The following RTKN2 variants were observed in gnomAD, a reference collection of about 807,000 sequenced individuals.
RTKN2 encodes rhotekin-2.
In RTKN2, 69 loss-of-function variants were observed where a neutral mutation model predicts 71.5. That is an observed-to-expected ratio of 0.96 (90% CI 0.79 to 1.18). The LOEUF (loss-of-function observed/expected upper bound fraction) is 1.18, where lower values mean the gene tolerates loss of function less well. Among genes scored for constraint, RTKN2 ranks in the 50% most tolerant of loss-of-function variants. RTKN2 has a pLI of 0.00. For missense variants in RTKN2, 724 were observed against 719.7 expected (o/e 1.01, Z -0.07); for synonymous variants, 236 against 236.5 (o/e 1.00, Z 0.02).
At chr10:62,239,370 T>C (rs1476801534) in intron 5 of RTKN2, 3 of 227,574 alleles carry the variant, frequency 1.3e-5, no homozygotes, top group African/African-American at 2.3e-5. Context: ...AACTGAACTA[T>C]ATTTATTAAC....
chr10:62,263,492 T>C (rs1442728553), intron 1 of RTKN2, among the ~76,000 whole-genome samples: 1 of 152,222 alleles, frequency 6.6e-6, no homozygotes, highest in Non-Finnish European at 1.5e-5. Flanking sequence ...TCATTTGTTA[T>C]AGCAGCCTTA....
At chr10:62,222,407 T>C (rs570548904) in intron 7 of RTKN2, among the ~76,000 whole-genome samples, 1 of 152,152 alleles carries the variant, frequency 6.6e-6, no homozygotes, top group Admixed American at 6.5e-5. Flanking sequence ...CCACCACACC[T>C]AGCCTCATAA....
At chr10:62,216,258 T>C (rs1349023790) in intron 9 of RTKN2, among the ~76,000 whole-genome samples, 4 of 151,994 alleles carry the variant, frequency 2.6e-5, no homozygotes, top group Admixed American at 6.6e-5. Context: ...GGAGAACAAA[T>C]GTGATGGCTC....
At position 62,268,684 on chromosome 10, in the gene RTKN2, C is replaced by G; in HGVS notation, c.-74G>C. The stretch of plus-strand genomic sequence containing the variant: ...TTGAAAAGCCCGCCCCTGGCAGGAG[C>G]CGCAGAGGACGCCAACCGCCCGGCC... On this transcript the variant is annotated 5_prime_UTR_variant, in exon 1 of 12. Transcript: ENST00000373789. 6.9e-7 allele frequency: 1 copy of G among 1,451,286 alleles called. No individual in the cohort carries two copies. The highest frequency in any genetic ancestry group is 2.3e-4 in the Middle Eastern group (1 of 4,346). The allele number at this position is 1,451,286 out of a possible 1,614,324, so 89.9% of individuals were successfully genotyped here. A position where few individuals can be genotyped will look rare whatever the true frequency, so the allele number is the denominator to read the frequency against.
In RTKN2 at chr10:62,268,692, G is replaced by A. The variant is rs963815218; in HGVS notation, c.-82C>T. On this transcript the variant is annotated 5_prime_UTR_variant, in exon 1 of 12. Transcript: ENST00000373789. ...CCCGCCCCTGGCAGGAGCCGCAGAGGACGCCAACCGCCCGGCCGTACCAAG... is the reference window on the plus strand; with the variant it reads ...CCCGCCCCTGGCAGGAGCCGCAGAGAACGCCAACCGCCCGGCCGTACCAAG... 6 of 1,400,638 alleles carry A rather than the reference G, an allele frequency of 4.3e-6. No homozygotes were observed. The highest frequency in any genetic ancestry group is 1.4e-5 in the African/African-American group (1 of 69,176). The allele number at this position is 1,400,638 out of a possible 1,614,324, so 86.8% of individuals were successfully genotyped here.
chr10:62,235,439 C>A (rs549516240), intron 6 of RTKN2, among the ~76,000 whole-genome samples: 2 of 151,996 alleles, frequency 1.3e-5, no homozygotes, highest in East Asian at 3.9e-4. Flanking sequence ...AGTTCCTTTC[C>A]AACAACATTT....
At chr10:62,218,342 T>C in intron 7 of RTKN2, 41 bp from the exon 8 acceptor site, 1 of 1,309,510 alleles carries the variant, frequency 7.6e-7, no homozygotes, top group East Asian at 2.4e-5. Context: ...AAGTTATAAA[T>C]ATAAGTTTAT....
chr10:62,236,862 T>C (rs895289996), intron 5 of RTKN2, among the ~76,000 whole-genome samples: 2 of 150,394 alleles, frequency 1.3e-5, no homozygotes, highest in Non-Finnish European at 1.5e-5. Flanking sequence ...AAGCCAAGCA[T>C]AGAAATGAAA....
intron 1 of RTKN2, among the ~76,000 whole-genome samples, 167 bp from the exon 2 acceptor site, chr10:62,262,988 A>T (rs3852408): frequency 0.73 from 111,490 of 152,144 alleles, 41,119 homozygotes; most frequent in East Asian, 0.9. Context: ...TTGCAATTCT[A>T]AACTTCTTGC....
rs1842800621 is a variant in RTKN2, at chr10:62,262,900, T to G, written c.61-79A>C. 8.6e-6 allele frequency: 7 copies of G among 817,752 alleles called. No homozygotes were observed. In the East Asian group the frequency reaches 1.9e-4, roughly 22 times the overall value. 50.7% of individuals were successfully genotyped at this position (817,752 alleles called of 1,614,324 possible). On this transcript the variant is annotated intron_variant, in intron 1 of 11. Coordinates refer to ENST00000373789, the MANE Select transcript of RTKN2 (RefSeq NM_145307.4). ...ACCCATAATAGATCGAAAATAGGTATCATAATTGTATACCATATTGAGAAA... is the reference window on the plus strand; with the variant it reads ...ACCCATAATAGATCGAAAATAGGTAGCATAATTGTATACCATATTGAGAAA...
At chr10:62,232,428 C>A (rs1046023497) in intron 6 of RTKN2, among the ~76,000 whole-genome samples, 2 of 150,906 alleles carry the variant, frequency 1.3e-5, no homozygotes, top group Admixed American at 6.6e-5. Context: ...GATCCTCCTA[C>A]TTCAGCCTCC....
intron 9 of RTKN2, among the ~76,000 whole-genome samples, chr10:62,206,370 A>C (rs565513710): frequency 6.6e-6 from 1 of 152,268 alleles, no homozygotes; most frequent in Non-Finnish European, 1.5e-5. Flanking sequence ...TATACATACA[A>C]TATGGATATT....
intron 2 of RTKN2, among the ~76,000 whole-genome samples, chr10:62,252,783 T>A (rs1471071984): frequency 6.6e-6 from 1 of 151,858 alleles, no homozygotes; most frequent in Non-Finnish European, 1.5e-5. Flanking sequence ...TAAGAAGAGG[T>A]TTAGTTGGCT....
At chr10:62,255,427 T>G (rs1842656826) in intron 2 of RTKN2, among the ~76,000 whole-genome samples, 1 of 152,168 alleles carries the variant, frequency 6.6e-6, no homozygotes, top group Admixed American at 6.5e-5. Flanking sequence ...ATCGTCTTTT[T>G]GTGTCAGGAA....
Position 62,239,698 on chromosome 10 carries a change from CA to C in RTKN2, c.437del (p.Val146GlyfsTer15). ...TATCTGTGATTGTTTTATCCACATTCACCACATCAGTATCAAACACATTAGC... is the reference window on the plus strand; with the variant it reads ...TATCTGTGATTGTTTTATCCACATTCCCACATCAGTATCAAACACATTAGC... Reference protein sequence around the residue: ...MGANVFDTDVVNVDKTITDIC... With the variant: ...MGANVFDTDVXNVDKTITDIC... On this transcript the variant is annotated frameshift_variant, in exon 5 of 12. Coordinates refer to ENST00000373789, the MANE Select transcript of RTKN2 (RefSeq NM_145307.4). LOFTEE classifies it high-confidence loss of function. 2 of 1,583,560 alleles carry C rather than the reference CA, an allele frequency of 1.3e-6. No homozygotes were observed. Among genetic ancestry groups the C allele is most frequent in the East Asian group, 2.3e-5 (1 of 43,596 alleles).
chr10:62,237,770 C>T (rs949584309), intron 5 of RTKN2, among the ~76,000 whole-genome samples: 1 of 151,404 alleles, frequency 6.6e-6, no homozygotes, highest in African/African-American at 2.4e-5. Context: ...GAAAAATGTA[C>T]TTCAAAGCAT....
chr10:62,184,764 C>A (rs1370330943), intron 8 of RTKN2, among the ~76,000 whole-genome samples: 1 of 152,172 alleles, frequency 6.6e-6, no homozygotes, highest in Non-Finnish European at 1.5e-5. Flanking sequence ...CCTTTCTCAA[C>A]AACCAAATAA....
intron 10 of RTKN2, among the ~76,000 whole-genome samples, chr10:62,201,584 C>T (rs944758500): frequency 1.4e-4 from 21 of 151,752 alleles, no homozygotes; most frequent in Non-Finnish European, 1.5e-5. Flanking sequence ...GAAAAAAACC[C>T]ATATCTAATG....
At position 62,203,784 on chromosome 10, in the gene RTKN2, G is replaced by C. The variant is rs138524888; in HGVS notation, c.1186+1073C>G. Among the ~76,000 whole-genome samples, 1,221 of 152,318 alleles carry C rather than the reference G, an allele frequency of 8.0e-3. 8 individuals are homozygous for C. Among genetic ancestry groups the C allele is most frequent in the Non-Finnish European group, 0.014 (963 of 68,032 alleles). ...AGAAGGCCATGGAGGGAACCCTCTAGTTCGATGCTGTGAAACAGAAACCTC... is the reference window on the plus strand; with the variant it reads ...AGAAGGCCATGGAGGGAACCCTCTACTTCGATGCTGTGAAACAGAAACCTC... On this transcript the variant is annotated intron_variant, in intron 10 of 11. Transcript: ENST00000373789.
Sources: gnomAD v4.1 joint callset for allele counts (sites outside exome capture counted in the v4.1 genomes callset) on GRCh38, gnomAD v4.1.1 for gene constraint, MANE v1.5 for transcripts, NCBI Gene and HGNC (gene_info 2026-07-23, HGNC 2026-07-21) for gene names.